The following GMPR variants were observed in gnomAD, a reference collection of about 807,000 sequenced individuals.
The protein encoded by GMPR is GMP reductase 1.
Under a neutral mutation model 38.4 loss-of-function variants are expected in GMPR, and 31 were observed. That is an observed-to-expected ratio of 0.81 (90% CI 0.61 to 1.09). The LOEUF (loss-of-function observed/expected upper bound fraction) is 1.09, where lower values mean the gene tolerates loss of function less well. Among genes scored for constraint, GMPR ranks in the 50% least tolerant of loss-of-function variants. The pLI is 0.00. For synonymous variants in GMPR, 162 were observed against 173.3 expected, an observed-to-expected ratio of 0.93 and a Z score of 0.51; for missense variants, 468 against 453.7, an observed-to-expected ratio of 1.03 and a Z score of -0.29.
intron 4 of GMPR, among the ~76,000 whole-genome samples, chr6:16,271,500 A>G (rs1034583333): frequency 2.0e-5 from 3 of 152,206 alleles, no homozygotes; most frequent in African/African-American, 7.2e-5. Context: ...AAGAAAAAAG[A>G]AAACAAAATG....
intron 4 of GMPR, among the ~76,000 whole-genome samples, chr6:16,267,728 C>T (rs900325014): frequency 3.9e-5 from 6 of 152,088 alleles, no homozygotes; most frequent in African/African-American, 1.4e-4. Context: ...TGTGTTGGCT[C>T]TGGGAGATGC....
At chr6:16,259,989 G>A (rs538453973) in intron 4 of GMPR, among the ~76,000 whole-genome samples, 6 of 152,114 alleles carry the variant, frequency 3.9e-5, no homozygotes, top group Non-Finnish European at 7.3e-5. Flanking sequence ...AGATAGTAGG[G>A]ATGACAAGTT....
intron 4 of GMPR, among the ~76,000 whole-genome samples, chr6:16,269,973 G>A (rs758718473): frequency 5.9e-5 from 9 of 151,970 alleles, no homozygotes; most frequent in South Asian, 2.1e-4. Flanking sequence ...TCTCTTAGAC[G>A]GCCACTAATC....
chr6:16,281,493 CT>C (rs1332817517), intron 6 of GMPR, among the ~76,000 whole-genome samples: 2 of 151,912 alleles, frequency 1.3e-5, no homozygotes, highest in African/African-American at 2.4e-5. Context: ...TTAGTTTTTA[CT>C]TTTTTATTTT....
intron 4 of GMPR, among the ~76,000 whole-genome samples, chr6:16,267,006 G>A (rs185252249): frequency 2.6e-5 from 4 of 151,444 alleles, no homozygotes; most frequent in East Asian, 4.0e-4. Context: ...CTCTGGGTGC[G>A]CCACCTTTAA....
chr6:16,267,908 A>C (rs1222908645), intron 4 of GMPR, among the ~76,000 whole-genome samples: 4 of 152,224 alleles, frequency 2.6e-5, no homozygotes, highest in Non-Finnish European at 5.9e-5. Flanking sequence ...CGGGACCCTG[A>C]CATTTCCATG....
Position 16,285,781 on chromosome 6 carries a change from T to C in GMPR, c.655-12T>C. On this transcript the variant is annotated splice_polypyrimidine_tract_variant and intron_variant, in intron 6 of 8. Coordinates refer to ENST00000259727, the MANE Select transcript of GMPR (RefSeq NM_006877.4). ...CTGATGATGTCCTGTCCTTGCTTTT[T>C]CCTCTGTGAAGGATGGAGGCTGTAC... The C allele has an allele frequency of 1.2e-6, 2 of 1,612,646 alleles. No homozygotes were observed. Among genetic ancestry groups the C allele is most frequent in the Non-Finnish European group, 1.7e-6 (2 of 1,178,960 alleles).
chr6:16,265,947 A>G (rs977634114), intron 4 of GMPR, among the ~76,000 whole-genome samples: 1 of 152,094 alleles, frequency 6.6e-6, no homozygotes, highest in African/African-American at 2.4e-5. Context: ...CCACGAAGCC[A>G]CCCGCCGGGA....
rs573669067 is a variant in GMPR at position 16,275,818 on chromosome 6, G to A, written c.547+1322G>A. ...CACGCCTGGTCTCCCAGCACTTTGGGAGGCCAAGGTGGGTGGATCGCTTGA... is the reference window on the plus strand; with the variant it reads ...CACGCCTGGTCTCCCAGCACTTTGGAAGGCCAAGGTGGGTGGATCGCTTGA... On this transcript the variant is annotated intron_variant, in intron 5 of 8. Coordinates refer to ENST00000259727, the MANE Select transcript of GMPR (RefSeq NM_006877.4). 1.3e-3 allele frequency among the ~76,000 whole-genome samples: 196 copies of A among 152,344 alleles called. 2 individuals carry two copies. The highest frequency in any genetic ancestry group is 4.5e-3 in the African/African-American group (187 of 41,586).
intron 4 of GMPR, among the ~76,000 whole-genome samples, chr6:16,257,131 G>A (rs535972119): frequency 6.6e-6 from 1 of 152,292 alleles, no homozygotes; most frequent in South Asian, 2.1e-4. Context: ...GAGAGGGCTG[G>A]AAGTAGAGTT....
intron 1 of GMPR, among the ~76,000 whole-genome samples, 169 bp downstream of exon 1, chr6:16,238,949 C>CT (rs1758591781): frequency 6.6e-6 from 1 of 152,092 alleles, no homozygotes; most frequent in Admixed American, 6.5e-5. Context: ...CGTGAGGTGT[C>CT]TTTAAGGGCG....
intron 4 of GMPR, chr6:16,263,459 G>A (rs1001349963): frequency 2.0e-5 from 3 of 151,826 alleles, no homozygotes; most frequent in African/African-American, 7.3e-5. Context: ...GGAATGGAGG[G>A]TGGAAGGTTG....
chr6:16,275,527 T>C (rs1759457009), intron 5 of GMPR, among the ~76,000 whole-genome samples: 1 of 152,212 alleles, frequency 6.6e-6, no homozygotes, highest in Non-Finnish European at 1.5e-5. Flanking sequence ...GTTTTTCATA[T>C]TGCCACTCAT....
chr6:16,277,471 C>T (rs571117041), intron 5 of GMPR, among the ~76,000 whole-genome samples: 5 of 152,320 alleles, frequency 3.3e-5, no homozygotes, highest in Middle Eastern at 3.4e-3. Context: ...GTCCCCAGAG[C>T]GCCCTCTCGT....
chr6:16,265,822 C>T (rs1759189997), intron 4 of GMPR, among the ~76,000 whole-genome samples: 1 of 152,236 alleles, frequency 6.6e-6, no homozygotes, highest in South Asian at 2.1e-4. Context: ...CCCTTCCACG[C>T]CATGGAGGTT....
Position 16,255,530 on chromosome 6 carries a change from C to T in GMPR, c.465+795C>T, listed in dbSNP as rs573464924. Among the ~76,000 whole-genome samples, 68 of 152,224 alleles carry T rather than the reference C, an allele frequency of 4.5e-4. No homozygotes were observed. The South Asian group carries it at 5.6e-3, about 13-fold the overall frequency. On this transcript the variant is annotated intron_variant, in intron 4 of 8. Coordinates refer to ENST00000259727, the MANE Select transcript of GMPR (RefSeq NM_006877.4). ...TGAATCGGTCAGTGGTGTGTTTTAT[C>T]TAGGAGCTTTGTTTCTTGACTTTTC...
intron 4 of GMPR, among the ~76,000 whole-genome samples, chr6:16,267,644 G>T (rs1229435989): frequency 6.6e-6 from 1 of 152,186 alleles, no homozygotes; most frequent in African/African-American, 2.4e-5. Flanking sequence ...CGCAGCCGAA[G>T]GTCTGTGGCT....
intron 5 of GMPR, among the ~76,000 whole-genome samples, chr6:16,275,154 G>A (rs764284422): frequency 2.6e-5 from 4 of 152,170 alleles, no homozygotes; most frequent in Non-Finnish European, 5.9e-5. Flanking sequence ...TGCCCTGCTT[G>A]AAGATGAGCT....
chr6:16,255,121 T>C (rs1429601106), intron 4 of GMPR, among the ~76,000 whole-genome samples: 1 of 151,950 alleles, frequency 6.6e-6, no homozygotes, highest in East Asian at 1.9e-4. Context: ...AAAAGATTCT[T>C]GTACCTCAGC....
Sources: allele counts gnomAD v4.1 joint callset (sites outside exome capture counted in the v4.1 genomes callset), GRCh38; gene constraint gnomAD v4.1.1; transcripts MANE v1.5; gene names NCBI Gene and HGNC (gene_info 2026-07-23, HGNC 2026-07-21).